CDADC1: variants seen among roughly 807,000 people sequenced by gnomAD.
The protein encoded by CDADC1 is dCTP deaminase.
CDADC1 carries 39 observed loss-of-function variants against 54.9 expected under a neutral mutation model. That is an observed-to-expected ratio of 0.71 (90% CI 0.55 to 0.93). The LOEUF (loss-of-function observed/expected upper bound fraction) is 0.93. Among genes scored for constraint, CDADC1 ranks in the 40% least tolerant of loss-of-function variants. CDADC1 has a pLI of 0.00. For missense variants in CDADC1, 518 were observed against 618.8 expected (o/e 0.84, Z 1.73); for synonymous variants, 186 against 204.0 (o/e 0.91, Z 0.75).
intron 3 of CDADC1, among the ~76,000 whole-genome samples, chr13:49,258,541 C>T (rs957250337): frequency 6.6e-6 from 1 of 152,282 alleles, no homozygotes; most frequent in African/African-American, 2.4e-5. Flanking sequence ...AAAACCTTCA[C>T]TCAAAGAGAT....
At chr13:49,259,796 G>A (rs568692017) in intron 4 of CDADC1, among the ~76,000 whole-genome samples, 3 of 152,096 alleles carry the variant, frequency 2.0e-5, no homozygotes, top group South Asian at 2.1e-4. Context: ...ACAATGACCC[G>A]TGATTGCGCC....
At chr13:49,278,558 A>G (rs753256536) in intron 7 of CDADC1, 39 bp downstream of exon 7, 1 of 1,344,226 alleles carries the variant, frequency 7.4e-7, no homozygotes, top group South Asian at 1.5e-5. Flanking sequence ...TTTAAAATGT[A>G]GCAAGGGTTG....
At chr13:49,256,041 C>T in intron 3 of CDADC1, 128 bp downstream of exon 3, 1 of 1,293,252 alleles carries the variant, frequency 7.7e-7, no homozygotes, top group Non-Finnish European at 1.0e-6. Context: ...TAAAAATGGT[C>T]TGTATATTTA....
chr13:49,250,101 A>G (rs765867802), intron 2 of CDADC1, among the ~76,000 whole-genome samples: 4 of 152,226 alleles, frequency 2.6e-5, no homozygotes, highest in Non-Finnish European at 5.9e-5. Flanking sequence ...TGGTGCTTCC[A>G]ATCTTAAGCA....
intron 2 of CDADC1, 77 bp downstream of exon 2, chr13:49,249,042 A>G (rs1952361152): frequency 3.3e-6 from 3 of 913,236 alleles, no homozygotes; most frequent in South Asian, 2.6e-5. Context: ...AGTTTCTGTC[A>G]TACCTAAAAC....
At chr13:49,260,675 G>GATC (rs1952661351) in intron 4 of CDADC1, among the ~76,000 whole-genome samples, 2 of 152,134 alleles carry the variant, frequency 1.3e-5, no homozygotes, top group Non-Finnish European at 2.9e-5. Context: ...GGTATATGCC[G>GATC]ATCATTCTTT....
Position 49,292,871 on chromosome 13 carries a change from G to A in CDADC1, c.*1114G>A, listed in dbSNP as rs1593868515. The A allele has an allele frequency of 2.3e-5, 23 of 983,262 alleles. No homozygotes were observed. The East Asian group carries it at 3.1e-4, about 13-fold the overall frequency. 60.9% of individuals were successfully genotyped at this position (983,262 alleles called of 1,614,324 possible). A position where few individuals can be genotyped will look rare whatever the true frequency, so the allele number is the denominator to read the frequency against. On this transcript the variant is annotated 3_prime_UTR_variant, in exon 10 of 10. Coordinates refer to ENST00000251108, the MANE Select transcript of CDADC1 (RefSeq NM_030911.4). ...CTCTGCTTTTGTTCCCTGCCTTTCC[G>A]CCACATCACACGGCCTCACTGGGCT... is the stretch of plus-strand genomic sequence containing the variant.
chr13:49,289,600 G>A (rs1237942477), intron 9 of CDADC1, among the ~76,000 whole-genome samples: 1 of 152,140 alleles, frequency 6.6e-6, no homozygotes, highest in Non-Finnish European at 1.5e-5. Flanking sequence ...TCCCACAATG[G>A]ACTACCATAT....
rs576027993 is a variant in CDADC1 at position 49,252,218 on chromosome 13, A to T, written c.177+3253A>T. On this transcript the variant is annotated intron_variant, in intron 2 of 9. Transcript: ENST00000251108. ...TCTTTCCAGCTGTGCTCCCATACCC[A>T]TGTGTCCTAGGACTACAACCCTCTC... 1.1e-4 allele frequency among the ~76,000 whole-genome samples: 16 copies of T among 152,182 alleles called. No homozygotes were observed. The South Asian group carries it at 3.3e-3, about 32-fold the overall frequency.
At chr13:49,268,459 A>G (rs1299872464) in intron 5 of CDADC1, among the ~76,000 whole-genome samples, 20 of 152,098 alleles carry the variant, frequency 1.3e-4, no homozygotes, top group Non-Finnish European at 2.6e-4. Context: ...TCAGGAGTTC[A>G]AGACCAGCGT....
intron 3 of CDADC1, among the ~76,000 whole-genome samples, chr13:49,257,118 T>C (rs1952564863): frequency 6.6e-6 from 1 of 152,204 alleles, no homozygotes; most frequent in African/African-American, 2.4e-5. Flanking sequence ...TTATTTGTTT[T>C]ATTGAGTTTG....
At chr13:49,263,886 G>T (rs961838477) in intron 4 of CDADC1, among the ~76,000 whole-genome samples, 1 of 152,110 alleles carries the variant, frequency 6.6e-6, no homozygotes, top group Non-Finnish European at 1.5e-5. Flanking sequence ...TGACAAGAGC[G>T]AAGACCTGTT....
At chr13:49,278,253 A>G in intron 6 of CDADC1, 97 bp from the exon 7 acceptor site, 1 of 829,714 alleles carries the variant, frequency 1.2e-6, no homozygotes, top group African/African-American at 1.7e-5. Context: ...TTGAATGAAT[A>G]TTCATTATAC....
In CDADC1 at chr13:49,288,981, A is replaced by G. The variant is rs982853803; in HGVS notation, c.1471+2699A>G. Among the ~76,000 whole-genome samples the G allele has an allele frequency of 2.0e-5, 3 of 152,146 alleles. 1 individual carries two copies. The highest frequency in any genetic ancestry group is 2.0e-4 in the Admixed American group (3 of 15,266). The stretch of plus-strand genomic sequence containing the variant: ...GGGACAAATGTCCATATAAGCTGGG[A>G]TCTGAGATCAGGTCTGGGTCTGCTG... On this transcript the variant is annotated intron_variant, in intron 9 of 9. Transcript: ENST00000251108.
In CDADC1 at chr13:49,292,838, A is replaced by G. The variant is rs1040067159; in HGVS notation, c.*1081A>G. 14 of 1,252,862 alleles carry G rather than the reference A, an allele frequency of 1.1e-5. No homozygotes were observed. The African/African-American group carries it at 1.7e-4, about 15-fold the overall frequency. The allele number at this position is 1,252,862 out of a possible 1,614,324, so 77.6% of individuals were successfully genotyped here. On this transcript the variant is annotated 3_prime_UTR_variant, in exon 10 of 10. Coordinates refer to ENST00000251108, the MANE Select transcript of CDADC1 (RefSeq NM_030911.4). Reference sequence around the variant, plus strand: ...ATGTCTTCCTGGATCTGCGGTGGTCAGGTTTGCCTCTGCTTTTGTTCCCTG... The same window carrying G: ...ATGTCTTCCTGGATCTGCGGTGGTCGGGTTTGCCTCTGCTTTTGTTCCCTG...
At chr13:49,248,554 C>G in intron 1 of CDADC1, 1 of 330,640 alleles carries the variant, frequency 3.0e-6, no homozygotes, top group East Asian at 5.4e-5. Context: ...TGCACCACGA[C>G]GACGTCAGAT....
Position 49,280,538 on chromosome 13 carries a change from G to T in CDADC1, c.1250G>T (p.Ser417Ile). 6.9e-7 allele frequency: 1 copy of T among 1,453,748 alleles called. No individual in the cohort carries two copies. The highest frequency in any genetic ancestry group is 9.1e-7 in the Non-Finnish European group (1 of 1,097,370). The allele number at this position is 1,453,748 out of a possible 1,614,324, so 90.1% of individuals were successfully genotyped here. The change falls in exon 8 of 10, where the codon AGC becomes ATC. Residue 417 changes from serine (S) to isoleucine (I), a missense_variant. Transcript: ENST00000251108. The part of the protein sequence containing the change: ...RCQEIKPEER[S>I]MIFVTKCPCD... ...CAAGAAATAAAACCAGAAGAAAGAA[G>T]CATGATTTTTGTGACAAAGTGCCCA...
intron 8 of CDADC1, among the ~76,000 whole-genome samples, chr13:49,283,929 T>A (rs1381427743): frequency 6.6e-6 from 1 of 152,262 alleles, no homozygotes; most frequent in African/African-American, 2.4e-5. Flanking sequence ...TGAACTAGAA[T>A]TTGTTCTAAA....
intron 8 of CDADC1, among the ~76,000 whole-genome samples, chr13:49,282,088 GATT>G (rs1361194575): frequency 6.6e-6 from 1 of 152,026 alleles, no homozygotes. Context: ...AAAGTGCTGG[GATT>G]ATAGGCATGA....
Sources: allele counts gnomAD v4.1 joint callset (sites outside exome capture counted in the v4.1 genomes callset), GRCh38; gene constraint gnomAD v4.1.1; transcripts MANE v1.5; gene names NCBI Gene and HGNC (gene_info 2026-07-23, HGNC 2026-07-21).